The following CNTRL variants were observed in gnomAD, a reference collection of about 807,000 sequenced individuals.
The protein encoded by CNTRL is centriolin.
Under a neutral mutation model 303.7 loss-of-function variants are expected in CNTRL, and 233 were observed. The ratio of observed to expected loss-of-function variants is 0.77; its 90% CI spans 0.69 to 0.86. CNTRL has a LOEUF of 0.86. Among genes scored for constraint, CNTRL ranks in the 40% least tolerant of loss-of-function variants. The pLI, the probability that CNTRL is intolerant of heterozygous loss-of-function variation, is 0.00. For synonymous variants in CNTRL, 900 were observed against 922.2 expected (o/e 0.98, Z 0.44); for missense variants, 2,524 against 2,650.6 (o/e 0.95, Z 1.05).
chr9:121,128,552 G>A (rs1303126170), intron 14 of CNTRL, among the ~76,000 whole-genome samples: 2 of 152,168 alleles, frequency 1.3e-5, no homozygotes. Flanking sequence ...CCCTTTGTCA[G>A]ATGAGCAGAT....
rs558073175 is a variant in CNTRL, at chr9:121,172,369, G to A, written c.6417+821G>A. Among the ~76,000 whole-genome samples, 9 of 150,650 alleles carry A rather than the reference G, an allele frequency of 6.0e-5. No individual in the cohort carries two copies. In the South Asian group the frequency reaches 8.6e-4, roughly 14 times the overall value. ...TTTAAGAAACCTCTAGGCTGGGTGC[G>A]GTGCTGCATTCCTGTAATCCCAGCA... is the stretch of plus-strand genomic sequence containing the variant. On this transcript the variant is annotated intron_variant, in intron 40 of 43. Coordinates refer to ENST00000373855, the MANE Select transcript of CNTRL (RefSeq NM_007018.6).
At chr9:121,166,293 A>G in intron 36 of CNTRL, 113 bp downstream of exon 36, 5 of 629,858 alleles carry the variant, frequency 7.9e-6, no homozygotes, top group South Asian at 2.1e-5. Flanking sequence ...CAGATACCGT[A>G]GGGCCATTTA....
intron 1 of CNTRL, among the ~76,000 whole-genome samples, chr9:121,076,703 T>C (rs1481419190): frequency 2.6e-5 from 4 of 151,472 alleles, no homozygotes; most frequent in Non-Finnish European, 5.9e-5. Flanking sequence ...TAAAGAAGAA[T>C]GGGAGGCAGA....
chr9:121,157,514 A>G lies in CNTRL; in HGVS notation c.4410A>G (p.Leu1470=), dbSNP rs1197138271. ...AGTTCACTGATGCCAAGAGAAGTTT[A>G]TTGCAAACTGAGTCAGATGCTGAGG... ...VEKFTDAKRS[L]LQTESDAEEL... The change falls in exon 28 of 44, where the codon TTA becomes TTG. Residue 1470 remains leucine, a synonymous_variant. Coordinates refer to ENST00000373855, the MANE Select transcript of CNTRL (RefSeq NM_007018.6). 1 of 1,614,152 alleles carries G rather than the reference A, an allele frequency of 6.2e-7. No individual in the cohort carries two copies. The highest frequency in any genetic ancestry group is 8.5e-7 in the Non-Finnish European group (1 of 1,180,014).
rs755597764 is a variant in CNTRL at position 121,162,153 on chromosome 9, G to A, written c.5305G>A (p.Glu1769Lys). ...QLLERDKREI[E>K]RMTAESRALQ... Reference sequence around the variant, plus strand: ...CCTTGAGAGGGATAAACGAGAAATAGAACGAATGACTGCTGAGTCCCGAGC... The same window carrying A: ...CCTTGAGAGGGATAAACGAGAAATAAAACGAATGACTGCTGAGTCCCGAGC... Residue 1769 changes from glutamate (E) to lysine (K), a missense_variant, in exon 34 of 44, where the codon GAA becomes AAA. By Grantham distance (56) the Glu-to-Lys change is moderately conservative. Coordinates refer to ENST00000373855, the MANE Select transcript of CNTRL (RefSeq NM_007018.6). 1.2e-6 allele frequency: 2 copies of A among 1,614,164 alleles called. No homozygotes were observed. Among genetic ancestry groups the A allele is most frequent in the Non-Finnish European group, 1.7e-6 (2 of 1,180,012 alleles).
At chr9:121,111,494 T>C (rs981298199) in intron 8 of CNTRL, among the ~76,000 whole-genome samples, 5 of 152,146 alleles carry the variant, frequency 3.3e-5, no homozygotes, top group South Asian at 2.1e-4. Context: ...CTGGGCCTTG[T>C]AAAATGTTTG....
intron 42 of CNTRL, among the ~76,000 whole-genome samples, chr9:121,174,316 G>A (rs12551347): frequency 0.51 from 77,310 of 152,044 alleles, 21,977 homozygotes; most frequent in South Asian, 0.81. Flanking sequence ...ATGAGAGAGT[G>A]CAGTGCTATA....
At chr9:121,137,671 C>T (rs946575338) in intron 15 of CNTRL, among the ~76,000 whole-genome samples, 4 of 152,060 alleles carry the variant, frequency 2.6e-5, no homozygotes, top group African/African-American at 9.7e-5. Flanking sequence ...TTGACAAGAT[C>T]AGAGTCTCAG....
At chr9:121,079,031 C>T (rs982158861) in intron 1 of CNTRL, among the ~76,000 whole-genome samples, 2 of 152,140 alleles carry the variant, frequency 1.3e-5, no homozygotes, top group Non-Finnish European at 2.9e-5. Flanking sequence ...CCCCTCTCCC[C>T]TCCCTCTTTC....
chr9:121,133,909 C>CA (rs1283073827), intron 14 of CNTRL, among the ~76,000 whole-genome samples: 1 of 152,164 alleles, frequency 6.6e-6, no homozygotes, highest in Non-Finnish European at 1.5e-5. Flanking sequence ...TGAACAAGGA[C>CA]ATTTTCTAAC....
chr9:121,169,542 G>T (rs569419070), intron 38 of CNTRL, 69 bp from the exon 39 acceptor site: 1 of 1,469,724 alleles, frequency 6.8e-7, no homozygotes, highest in Non-Finnish European at 9.5e-7. Context: ...TCTGCCACAA[G>T]GGAAGGGGAG....
At chr9:121,084,546 ATTTTT>A (rs375734045) in intron 2 of CNTRL, among the ~76,000 whole-genome samples, 1 of 145,440 alleles carries the variant, frequency 6.9e-6, no homozygotes, top group African/African-American at 2.5e-5. Flanking sequence ...AGAGGATGTC[ATTTTT>A]TTTTTTTTTG....
At position 121,113,717 on chromosome 9, in the gene CNTRL, A is replaced by T. The variant is rs1026993673; in HGVS notation, c.1338A>T (p.Ile446=). The part of the protein sequence containing the change: ...DTQLEDKEKK[I]SAAQTRLSEL... Reference sequence around the variant, plus strand: ...AACTGGAAGACAAAGAAAAAAAAATAAGTGCAGGTTAAAAAAAGTTATTTT... The same window carrying T: ...AACTGGAAGACAAAGAAAAAAAAATTAGTGCAGGTTAAAAAAAGTTATTTT... The change falls in exon 10 of 44, where the codon ATA becomes ATT. Residue 446 remains isoleucine (I), a synonymous_variant. Transcript: ENST00000373855. 10 of 1,528,878 alleles carry T rather than the reference A, an allele frequency of 6.5e-6. No individual in the cohort carries two copies. The highest frequency in any genetic ancestry group is 8.7e-6 in the Non-Finnish European group (10 of 1,144,352). The allele number at this position is 1,528,878 out of a possible 1,614,324, so 94.7% of individuals were successfully genotyped here.
intron 36 of CNTRL, 140 bp from the exon 37 acceptor site, chr9:121,167,349 C>T: frequency 1.5e-6 from 1 of 683,894 alleles, no homozygotes; most frequent in South Asian, 2.3e-5. Context: ...TCTCTTGTAC[C>T]TGTAAGTTTA....
At chr9:121,095,455 T>G (rs886993315) in intron 5 of CNTRL, among the ~76,000 whole-genome samples, 2 of 152,328 alleles carry the variant, frequency 1.3e-5, no homozygotes, top group African/African-American at 4.8e-5. Flanking sequence ...TCAATCCTGT[T>G]TCCAATTCAT....
chr9:121,158,795 G>T, intron 30 of CNTRL, 60 bp from the exon 31 acceptor site: 1 of 1,476,014 alleles, frequency 6.8e-7, no homozygotes, highest in Non-Finnish European at 9.4e-7. Flanking sequence ...TTATCTCCAG[G>T]TTAGCACTGA....
intron 1 of CNTRL, among the ~76,000 whole-genome samples, chr9:121,075,402 C>G (rs2131885813): frequency 6.6e-6 from 1 of 152,244 alleles, no homozygotes; most frequent in African/African-American, 2.4e-5. Context: ...GAGGGGAGAG[C>G]TGGGATGTGC....
chr9:121,142,577 A>ACATCCATG (rs1282604331), intron 19 of CNTRL, among the ~76,000 whole-genome samples: 1 of 152,246 alleles, frequency 6.6e-6, no homozygotes, highest in East Asian at 1.9e-4. Context: ...CCAGTTGGAT[A>ACATCCATG]CATCCATGGG....
At chr9:121,158,250 CCAACT>C (rs2052679917) in intron 30 of CNTRL, 141 bp downstream of exon 30, 6 of 963,860 alleles carry the variant, frequency 6.2e-6, no homozygotes, top group African/African-American at 1.6e-5. Context: ...AATTTGAATC[CCAACT>C]CAATACAATA....
Sources: allele counts gnomAD v4.1 joint callset (sites outside exome capture counted in the v4.1 genomes callset), GRCh38; gene constraint gnomAD v4.1.1; transcripts MANE v1.5; gene names NCBI Gene and HGNC (gene_info 2026-07-23, HGNC 2026-07-21).